The following CNNM4 variants were observed in gnomAD, a reference collection of about 807,000 sequenced individuals.
CNNM4 encodes cyclin and CBS domain divalent metal cation transport mediator 4, also known as metal transporter CNNM4.
Under a neutral mutation model 53.7 loss-of-function variants are expected in CNNM4, and 32 were observed. The observed-to-expected ratio is 0.60, with a 90% confidence interval of 0.45 to 0.80. CNNM4 has a LOEUF of 0.80. Among genes scored for constraint, CNNM4 ranks in the 30% least tolerant of loss-of-function variants. The pLI, the probability that CNNM4 is intolerant of heterozygous loss-of-function variation, is 0.00. For missense variants in CNNM4, 784 were observed against 1,022.0 expected (o/e 0.77, Z 3.17); for synonymous variants, 410 against 440.0 (o/e 0.93, Z 0.85).
chr2:96,788,911 C>T (rs2079037226), intron 1 of CNNM4: 1 of 152,294 alleles, frequency 6.6e-6, no homozygotes, highest in Non-Finnish European at 1.5e-5. Context: ...AGGGCCCTCT[C>T]ATGGCCCCTG....
At chr2:96,778,977 G>C (rs2078949765) in intron 1 of CNNM4, among the ~76,000 whole-genome samples, 1 of 151,444 alleles carries the variant, frequency 6.6e-6, no homozygotes, top group Non-Finnish European at 1.5e-5. Context: ...ATTTTTTTGA[G>C]ATGGAGTCTC....
intron 1 of CNNM4, among the ~76,000 whole-genome samples, chr2:96,774,960 C>CAAAAAAAAAA (rs56997097): frequency 1.7e-4 from 3 of 17,692 alleles, no homozygotes; most frequent in Non-Finnish European, 3.6e-4. Context: ...GACTCCATCT[C>CAAAAAAAAAA]AAAAAAAAAA....
intron 5 of CNNM4, among the ~76,000 whole-genome samples, chr2:96,807,899 T>G (rs2079223675): frequency 6.6e-6 from 1 of 152,106 alleles, no homozygotes; most frequent in East Asian, 1.9e-4. Flanking sequence ...AGTTTGCTTG[T>G]TTGTTTTGAG....
chr2:96,797,579 C>T lies in CNNM4; in HGVS notation c.1613C>T (p.Ala538Val), dbSNP rs771253370. The change falls in exon 3 of 7, where the codon GCG (alanine) becomes GTG (valine). Residue 538 changes from alanine to valine, a missense_variant. This residue lies in a region of CNNM4 where 307 missense variants were observed against 376.3 expected (regional missense o/e 0.82). Transcript: ENST00000377075. This position sits in a 1 kb window ranked among gnomAD's most constrained non-coding sequence, Gnocchi z 6.0. ...CGTGACTTCTCTGCCTTCAAGGATG[C>T]GGACAATGAGCTCAAAGTGAAAATC... Reference protein sequence around the residue: ...NKRDFSAFKDADNELKVKISP... With the variant: ...NKRDFSAFKDVDNELKVKISP... The T allele has an allele frequency of 3.8e-5, 61 of 1,614,074 alleles. 1 individual carries two copies. Among genetic ancestry groups the T allele is most frequent in the East Asian group, 1.1e-4 (5 of 44,890 alleles).
intron 1 of CNNM4, among the ~76,000 whole-genome samples, chr2:96,775,007 A>G (rs2078912362): frequency 7.4e-6 from 1 of 134,850 alleles, no homozygotes; most frequent in Non-Finnish European, 1.6e-5. Context: ...AAGCCAGAAG[A>G]TTGGGAGATT....
rs3731941 is a variant in CNNM4 at position 96,810,482 on chromosome 2, A to G, written c.*965A>G. The G allele has an allele frequency of 0.076, 11,633 of 152,728 alleles. 494 individuals are homozygous for G. The highest frequency in any genetic ancestry group is 0.17 in the Middle Eastern group (49 of 294). 9.5% of individuals were successfully genotyped at this position (152,728 alleles called of 1,614,324 possible). A position where few individuals can be genotyped will look rare whatever the true frequency, so the allele number is the denominator to read the frequency against. ...CTGGGTTCTTCCTTTTGGTTCCAGAAGGAACTGTCAGTCATCAGCATCTGC... is the reference window on the plus strand; with the variant it reads ...CTGGGTTCTTCCTTTTGGTTCCAGAGGGAACTGTCAGTCATCAGCATCTGC... On this transcript the variant is annotated 3_prime_UTR_variant, in exon 7 of 7. Transcript: ENST00000377075. The surrounding 1 kb of genome is among the most constrained non-coding windows in gnomAD (Gnocchi z 4.1).
intron 5 of CNNM4, among the ~76,000 whole-genome samples, chr2:96,804,291 G>A (rs1194425949): frequency 2.7e-5 from 4 of 149,288 alleles, no homozygotes; most frequent in Non-Finnish European, 5.9e-5. Context: ...GTGCAGTGGT[G>A]CGATCTTGGC....
In CNNM4 at chr2:96,771,261, CT is replaced by C. The variant is rs906770059; in HGVS notation, c.1402+8862del. On this transcript the variant is annotated intron_variant, in intron 1 of 6. Transcript: ENST00000377075. ...CGTAGGCTAGAGCCTGGACTCCTTACTTCTGTGCTTATTCCACTGTTAGATG... is the reference window on the plus strand; with the variant it reads ...CGTAGGCTAGAGCCTGGACTCCTTACTCTGTGCTTATTCCACTGTTAGATG... Among the ~76,000 whole-genome samples the C allele has an allele frequency of 2.9e-4, 43 of 149,304 alleles. 1 individual carries two copies. Among genetic ancestry groups the C allele is most frequent in the Admixed American group, 2.6e-3 (39 of 15,184 alleles).
rs1302794485 is a variant in CNNM4, at chr2:96,799,169, C to T, written c.1794C>T (p.Ala598=). 6.2e-7 allele frequency: 1 copy of T among 1,614,072 alleles called. No homozygotes were observed. Among genetic ancestry groups the T allele is most frequent in the Non-Finnish European group, 8.5e-7 (1 of 1,180,044 alleles). The change falls in exon 4 of 7, where the codon GCC becomes GCT. Residue 598 remains alanine (A), a synonymous_variant. Transcript: ENST00000377075. ...TTGACGAGCACAATAAGTACTACGC[C>T]CGCCATTACCTGTACACCCGAAATA... ...LKFDEHNKYY[A]RHYLYTRNKP... is the part of the protein sequence containing the mutation.
intron 1 of CNNM4, among the ~76,000 whole-genome samples, chr2:96,781,170 G>A (rs1174153476): frequency 1.3e-5 from 2 of 151,802 alleles, no homozygotes. Flanking sequence ...TAGTAGAGAC[G>A]GGGTTTCACT....
At chr2:96,806,185 CT>C (rs1363457207) in intron 5 of CNNM4, among the ~76,000 whole-genome samples, 2 of 152,160 alleles carry the variant, frequency 1.3e-5, no homozygotes, top group East Asian at 3.9e-4. Context: ...GGGCTGACAC[CT>C]TCTTTTCAGT....
At chr2:96,805,110 T>C (rs1372575124) in intron 5 of CNNM4, among the ~76,000 whole-genome samples, 1 of 152,142 alleles carries the variant, frequency 6.6e-6, no homozygotes, top group Non-Finnish European at 1.5e-5. Flanking sequence ...ATCATTCAGA[T>C]AGCTATGTGA....
At position 96,797,233 on chromosome 2, in the gene CNNM4, A is replaced by G; in HGVS notation, c.1546+78A>G. ...CTTGGTGTCCCTAGCTGGAAGGGCC[A>G]TAGTGCAGGGACACAGGAGGCCTAG... On this transcript the variant is annotated intron_variant, in intron 2 of 6. Transcript: ENST00000377075. This position sits in a 1 kb window ranked among gnomAD's most constrained non-coding sequence, Gnocchi z 6.0. 3 of 1,586,962 alleles carry G rather than the reference A, an allele frequency of 1.9e-6. No homozygotes were observed. Among genetic ancestry groups the G allele is most frequent in the East Asian group, 2.2e-5 (1 of 44,734 alleles).
At position 96,797,476 on chromosome 2, in the gene CNNM4, G is replaced by T. The variant is rs942844035; in HGVS notation, c.1547-37G>T. The T allele has an allele frequency of 6.2e-7, 1 of 1,611,690 alleles. No homozygotes were observed. Among genetic ancestry groups the T allele is most frequent in the African/African-American group, 1.3e-5 (1 of 74,940 alleles). ...TCCAGTCTCTTCCTAAGTCCTCAGG[G>T]GTCTGTGTTCTCAATTCCACGCTCT... On this transcript the variant is annotated intron_variant, in intron 2 of 6. Transcript: ENST00000377075. This position sits in a 1 kb window ranked among gnomAD's most constrained non-coding sequence, Gnocchi z 6.0.
At chr2:96,809,201 C>T (rs936721715) in intron 6 of CNNM4, 119 bp from the exon 7 acceptor site, 1 of 1,546,556 alleles carries the variant, frequency 6.5e-7, no homozygotes, top group Non-Finnish European at 8.7e-7. Context: ...TCCAGAGACG[C>T]TGACTGGTCA....
At chr2:96,780,795 T>C (rs1027457573) in intron 1 of CNNM4, among the ~76,000 whole-genome samples, 1 of 151,982 alleles carries the variant, frequency 6.6e-6, no homozygotes, top group African/African-American at 2.4e-5. Context: ...TGGAGTCCAG[T>C]GGCACGATCT....
chr2:96,770,109 A>G (rs1007310824), intron 1 of CNNM4, among the ~76,000 whole-genome samples: 1 of 152,216 alleles, frequency 6.6e-6, no homozygotes, highest in African/African-American at 2.4e-5. Flanking sequence ...GTTCCCAAAG[A>G]GGAGCCAGCA....
chr2:96,761,075 C>T lies in CNNM4; in HGVS notation c.76C>T (p.Leu26=). 7.6e-7 allele frequency: 1 copy of T among 1,322,106 alleles called. No homozygotes were observed. The highest frequency in any genetic ancestry group is 2.8e-5 in the East Asian group (1 of 35,190). 81.9% of individuals were successfully genotyped at this position (1,322,106 alleles called of 1,614,324 possible). A position where few individuals can be genotyped will look rare whatever the true frequency, so the allele number is the denominator to read the frequency against. The change falls in exon 1 of 7, where the codon CTG becomes TTG. Residue 26 remains leucine, a synonymous_variant. Transcript: ENST00000377075. The surrounding 1 kb of genome is among the most constrained non-coding windows in gnomAD (Gnocchi z 6.0). ...GCGCCTCCTCCTGGCGGCGCCGGTG[C>T]TGCTGGTGCTGCTGTGGGCGCTGGG... is the stretch of plus-strand genomic sequence containing the variant. The part of the protein sequence containing the change: ...RGRLLLAAPV[L]LVLLWALGAR...
intron 1 of CNNM4, among the ~76,000 whole-genome samples, chr2:96,779,176 T>TCTCG (rs1473441446): frequency 1.3e-5 from 2 of 152,262 alleles, no homozygotes; most frequent in Non-Finnish European, 2.9e-5. Flanking sequence ...GCCAGGATGG[T>TCTCG]CTCGATCTCC....
Sources: gnomAD v4.1 joint callset for allele counts (sites outside exome capture counted in the v4.1 genomes callset) on GRCh38, gnomAD v4.1.1 for gene constraint, gnomAD v4.1.1 regional missense constraint, Gnocchi (gnomAD v3.1) non-coding constraint, MANE v1.5 for transcripts, NCBI Gene and HGNC (gene_info 2026-07-23, HGNC 2026-07-21) for gene names.